Variants in KCNIP4 observed in about 807,000 individuals in gnomAD.
KCNIP4 encodes the protein Kv channel-interacting protein 4.
In KCNIP4, 12 loss-of-function variants were observed where a neutral mutation model predicts 34.0. That is an observed-to-expected ratio of 0.35 (90% CI 0.23 to 0.57). The LOEUF is 0.57. Ranked by LOEUF, KCNIP4 falls within the 20% of genes least tolerant of loss-of-function variation. The pLI is 0.83. For missense variants in KCNIP4, 238 were observed against 311.7 expected (o/e 0.76, Z 1.78); for synonymous variants, 124 against 102.2 (o/e 1.21, Z -1.29).
intron 1 of KCNIP4, among the ~76,000 whole-genome samples, chr4:21,750,100 C>A (rs958807387): frequency 1.3e-5 from 2 of 152,158 alleles, no homozygotes; most frequent in Non-Finnish European, 2.9e-5. Context: ...CTCCCTCTCT[C>A]CAGGGATATG....
chr4:21,934,354 G>A (rs1453959526), intron 1 of KCNIP4, among the ~76,000 whole-genome samples: 1 of 151,850 alleles, frequency 6.6e-6, no homozygotes, highest in African/African-American at 2.4e-5. Flanking sequence ...TACTTTCATT[G>A]CCATCCAAAC....
At chr4:20,745,320 G>A (rs111487710) in intron 5 of KCNIP4, among the ~76,000 whole-genome samples, 4,151 of 152,164 alleles carry the variant, frequency 0.027, 184 homozygotes, top group African/African-American at 0.094. Flanking sequence ...TGTATATCCT[G>A]AAACAATTTA....
intron 1 of KCNIP4, among the ~76,000 whole-genome samples, chr4:21,560,244 G>A (rs914526214): frequency 3.3e-5 from 5 of 151,990 alleles, no homozygotes; most frequent in Non-Finnish European, 5.9e-5. Flanking sequence ...CTCCCATAGG[G>A]CCATTCCAAT....
At chr4:21,345,201 C>A (rs985824949) in intron 1 of KCNIP4, among the ~76,000 whole-genome samples, 2 of 152,012 alleles carry the variant, frequency 1.3e-5, no homozygotes, top group Non-Finnish European at 2.9e-5. Context: ...AAACCAGCTG[C>A]CATGCATGAG....
At chr4:20,897,970 A>G (rs1243088435) in intron 1 of KCNIP4, among the ~76,000 whole-genome samples, 1 of 152,182 alleles carries the variant, frequency 6.6e-6, no homozygotes, top group Non-Finnish European at 1.5e-5. Flanking sequence ...CTGTGTTTCC[A>G]GAAGATAGTA....
chr4:20,975,758 C>T (rs78559618), intron 1 of KCNIP4, among the ~76,000 whole-genome samples: 2,711 of 152,198 alleles, frequency 0.018, 85 homozygotes, highest in African/African-American at 0.062. Context: ...CAAGGGCTGG[C>T]AAAATACAGT....
At chr4:21,517,389 T>C (rs755655762) in intron 1 of KCNIP4, among the ~76,000 whole-genome samples, 19 of 152,114 alleles carry the variant, frequency 1.2e-4, no homozygotes, top group Non-Finnish European at 2.6e-4. Flanking sequence ...GAACCTGAAA[T>C]GTGATTGGGA....
At chr4:20,950,836 G>T (rs1732705586) in intron 1 of KCNIP4, among the ~76,000 whole-genome samples, 1 of 152,102 alleles carries the variant, frequency 6.6e-6, no homozygotes, top group Non-Finnish European at 1.5e-5. Flanking sequence ...AACATTAAAT[G>T]CAGGGTGCAC....
At chr4:21,335,615 A>G (rs1716101571) in intron 1 of KCNIP4, among the ~76,000 whole-genome samples, 1 of 152,184 alleles carries the variant, frequency 6.6e-6, no homozygotes, top group Admixed American at 6.6e-5. Flanking sequence ...ACATTAGTAC[A>G]AGAAAATAGG....
At chr4:21,219,687 A>G (rs1757849836) in intron 1 of KCNIP4, among the ~76,000 whole-genome samples, 1 of 152,158 alleles carries the variant, frequency 6.6e-6, no homozygotes, top group Non-Finnish European at 1.5e-5. Context: ...ATAGAAAAGC[A>G]CCACAACATT....
intron 1 of KCNIP4, among the ~76,000 whole-genome samples, chr4:21,626,384 T>C (rs1445408823): frequency 7.3e-6 from 1 of 136,370 alleles, no homozygotes; most frequent in Non-Finnish European, 1.7e-5. Flanking sequence ...GAGCTTGTTT[T>C]TTTTGTTTTT....
intron 1 of KCNIP4, among the ~76,000 whole-genome samples, chr4:21,040,152 G>A (rs1741830821): frequency 6.6e-6 from 1 of 152,108 alleles, no homozygotes; most frequent in Non-Finnish European, 1.5e-5. Flanking sequence ...GTCTCTCCCT[G>A]GACATATGGT....
At chr4:20,977,601 T>C (rs1272239064) in intron 1 of KCNIP4, among the ~76,000 whole-genome samples, 4 of 152,042 alleles carry the variant, frequency 2.6e-5, no homozygotes, top group East Asian at 1.9e-4. Flanking sequence ...AACTGGAAAA[T>C]AATAGTCCCC....
At chr4:20,960,063 A>C (rs1733698553) in intron 1 of KCNIP4, among the ~76,000 whole-genome samples, 1 of 152,212 alleles carries the variant, frequency 6.6e-6, no homozygotes, top group South Asian at 2.1e-4. Context: ...GAAAAGTTCC[A>C]TAACAAATAA....
At chr4:21,671,680 T>C (rs1749512338) in intron 1 of KCNIP4, among the ~76,000 whole-genome samples, 1 of 152,190 alleles carries the variant, frequency 6.6e-6, no homozygotes, top group African/African-American at 2.4e-5. Flanking sequence ...GAGAACATGT[T>C]ACTCAGACTC....
intron 1 of KCNIP4, among the ~76,000 whole-genome samples, chr4:21,374,117 A>G (rs1034243381): frequency 6.8e-6 from 1 of 147,568 alleles, no homozygotes; most frequent in Non-Finnish European, 1.5e-5. Context: ...GGATTGCTAC[A>G]TCGATATTAA....
Position 21,301,708 on chromosome 4 carries a change from TA to T in KCNIP4, c.62-419000del, listed in dbSNP as rs374256007. On this transcript the variant is annotated intron_variant, in intron 1 of 8. Transcript: ENST00000382152. The stretch of plus-strand genomic sequence containing the variant: ...AAACATTGCTTATCCTTCTATTAAT[TA>T]AAATTAGGCTGTAACTGTAGAGTGC... 2.9e-4 allele frequency among the ~76,000 whole-genome samples: 44 copies of T among 152,258 alleles called. No homozygotes were observed. The East Asian group carries it at 6.9e-3, about 24-fold the overall frequency.
At chr4:21,283,933 G>C (rs1762941930) in intron 1 of KCNIP4, among the ~76,000 whole-genome samples, 2 of 152,108 alleles carry the variant, frequency 1.3e-5, no homozygotes, top group South Asian at 4.2e-4. Flanking sequence ...CAATTTACTG[G>C]CCGGGCACGG....
At chr4:20,996,273 C>A (rs1737547147) in intron 1 of KCNIP4, among the ~76,000 whole-genome samples, 1 of 152,176 alleles carries the variant, frequency 6.6e-6, no homozygotes, top group South Asian at 2.1e-4. Context: ...CCCCTAAGGT[C>A]TATTTTTACA....
Sources: gnomAD v4.1 joint callset for allele counts (sites outside exome capture counted in the v4.1 genomes callset) on GRCh38, gnomAD v4.1.1 for gene constraint, MANE v1.5 for transcripts, NCBI Gene and HGNC (gene_info 2026-07-23, HGNC 2026-07-21) for gene names.